The following CACTIN variants were observed in gnomAD, a reference collection of about 807,000 sequenced individuals.
The protein encoded by CACTIN is cactin, spliceosome C complex subunit, also known as splicing factor Cactin.
CACTIN carries 20 observed loss-of-function variants against 84.9 expected under a neutral mutation model. That is an observed-to-expected ratio of 0.24 (90% CI 0.17 to 0.34). CACTIN has a LOEUF of 0.34. CACTIN is among the 10% of genes least tolerant of loss of function. The pLI is 1.00. For synonymous variants in CACTIN, 549 were observed against 467.9 expected (o/e 1.17, Z -2.24); for missense variants, 897 against 1,117.2 (o/e 0.80, Z 2.81).
chr19:3,620,294 G>A lies in CACTIN; in HGVS notation c.739-22C>T, dbSNP rs189414959. 425 of 1,549,104 alleles carry A rather than the reference G, an allele frequency of 2.7e-4. 2 individuals carry two copies. Among genetic ancestry groups the A allele is most frequent in the Non-Finnish European group, 3.4e-4 (394 of 1,153,280 alleles). Reference sequence around the variant, plus strand: ...TCACCTGCAGGCACAGGAGGCTGAGGGCAGCGGGGACCGTGCGGTCTGCAG... The same window carrying A: ...TCACCTGCAGGCACAGGAGGCTGAGAGCAGCGGGGACCGTGCGGTCTGCAG... On this transcript the variant is annotated intron_variant, in intron 3 of 9. Transcript: ENST00000429344.
chr19:3,626,530 A>C, intron 1 of CACTIN, 66 bp downstream of exon 1: 1 of 1,292,344 alleles, frequency 7.7e-7, no homozygotes, highest in Middle Eastern at 2.2e-4. Context: ...CGGGATCTCC[A>C]ACCCTCGGTC....
Position 3,620,812 on chromosome 19 carries a change from C to A in CACTIN, c.643-10G>T. 6.2e-7 allele frequency: 1 copy of A among 1,609,204 alleles called. No homozygotes were observed. On this transcript the variant is annotated splice_polypyrimidine_tract_variant and intron_variant, in intron 2 of 9. Transcript: ENST00000429344. The stretch of plus-strand genomic sequence containing the variant: ...CCTTCTTCTCCAGGGCCTGGAAGCA[C>A]CAGGCACACCTGCCCTGAGCACAGA...
chr19:3,620,445 C>A, intron 3 of CACTIN, 173 bp from the exon 4 acceptor site: 1 of 815,966 alleles, frequency 1.2e-6, no homozygotes. Context: ...GCCCTCCTGC[C>A]CGAGACTCAG....
At chr19:3,614,351 T>G (rs1373502818) in intron 7 of CACTIN, 46 bp downstream of exon 7, 4 of 1,539,254 alleles carry the variant, frequency 2.6e-6, no homozygotes, top group Non-Finnish European at 3.5e-6. Flanking sequence ...GCGAAACCCA[T>G]CCCACCCGGA....
Position 3,626,580 on chromosome 19 carries a change from C to A in CACTIN, c.167+16G>T, listed in dbSNP as rs1199432184. 3 of 1,429,156 alleles carry A rather than the reference C, an allele frequency of 2.1e-6. No homozygotes were observed. The highest frequency in any genetic ancestry group is 2.6e-5 in the Admixed American group (1 of 38,330). 88.5% of individuals were successfully genotyped at this position (1,429,156 alleles called of 1,614,324 possible). On this transcript the variant is annotated intron_variant, in intron 1 of 9. Coordinates refer to ENST00000429344, the MANE Select transcript of CACTIN (RefSeq NM_001080543.2). Reference sequence around the variant, plus strand: ...TAGGAGCCGGATCCCCAGCGCTGCTCCCGCAGCGACCCCACCTGCGCTCCC... The same window carrying A: ...TAGGAGCCGGATCCCCAGCGCTGCTACCGCAGCGACCCCACCTGCGCTCCC...
At chr19:3,613,611 C>A (rs370432546) in intron 7 of CACTIN, 25 bp from the exon 8 acceptor site, 4 of 1,587,120 alleles carry the variant, frequency 2.5e-6, no homozygotes, top group Non-Finnish European at 3.4e-6. Flanking sequence ...CGGGGTCACC[C>A]GCATGGAGGC....
rs1220011093 is a variant in CACTIN at position 3,619,249 on chromosome 19, G to A, written c.885-7C>T. 1.2e-6 allele frequency: 2 copies of A among 1,611,622 alleles called. No homozygotes were observed. Among genetic ancestry groups the A allele is most frequent in the African/African-American group, 1.3e-5 (1 of 74,950 alleles). On this transcript the variant is annotated splice_region_variant and splice_polypyrimidine_tract_variant and intron_variant, in intron 4 of 9. Coordinates refer to ENST00000429344, the MANE Select transcript of CACTIN (RefSeq NM_001080543.2). ...CCGGATGCGGATCTTGGAACTGTGG[G>A]GAGCAGGGGAAGGTGGCATCAGAGC...
Position 3,613,215 on chromosome 19 carries a change from C to T in CACTIN, c.1629G>A (p.Glu543=), listed in dbSNP as rs1599883806. 2 of 1,611,406 alleles carry T rather than the reference C, an allele frequency of 1.2e-6. No individual in the cohort carries two copies. Among genetic ancestry groups the T allele is most frequent in the Admixed American group, 3.3e-5 (2 of 59,966 alleles). The part of the protein sequence containing the change: ...GEGEGEAVLM[E]EDLIQQSLDD... ...CCAGGCTCTGCTGGATCAGGTCCTC[C>T]TCCATGAGCACCGCCTCGCCCTCGC... The change falls in exon 9 of 10, where the codon GAG becomes GAA. Residue 543 remains glutamate, a synonymous_variant. Transcript: ENST00000429344.
At chr19:3,618,826 C>T in intron 6 of CACTIN, 49 bp downstream of exon 6, 1 of 1,410,860 alleles carries the variant, frequency 7.1e-7, no homozygotes, top group Non-Finnish European at 9.7e-7. Context: ...TGGGTGAACA[C>T]TGTAGCCCCC....
At chr19:3,620,619 C>T in intron 3 of CACTIN, 88 bp downstream of exon 3, 1 of 1,059,424 alleles carries the variant, frequency 9.4e-7, no homozygotes, top group Non-Finnish European at 1.4e-6. Flanking sequence ...GGACTTCCCA[C>T]TTAAGCCCCT....
Position 3,612,145 on chromosome 19 carries a change from G to A in CACTIN, c.2055C>T (p.Leu685=). The A allele has an allele frequency of 6.2e-7, 1 of 1,613,782 alleles. No homozygotes were observed. ...ACTCGGGCGTGGAGCGCTTGTCGAT[G>A]AGGTCGGGGTAGAAGATGTTGAACT... The part of the protein sequence containing the change: ...GYKFNIFYPD[L]IDKRSTPEYF... Residue 685 remains leucine, a synonymous_variant, in exon 10 of 10, where the codon CTC becomes CTT. Coordinates refer to ENST00000429344, the MANE Select transcript of CACTIN (RefSeq NM_001080543.2).
intron 3 of CACTIN, 42 bp downstream of exon 3, chr19:3,620,665 G>A: frequency 6.6e-7 from 1 of 1,523,788 alleles, no homozygotes; most frequent in Non-Finnish European, 8.9e-7. Context: ...TCCAGGCCCT[G>A]GAAAGGGAGG....
Position 3,618,863 on chromosome 19 carries a change from G to A in CACTIN, c.1162+12C>T. On this transcript the variant is annotated intron_variant, in intron 6 of 9. Transcript: ENST00000429344. The stretch of plus-strand genomic sequence containing the variant: ...CAGCTCCCCTGGAGCCCAGGCCCAT[G>A]CCCGCCGTTACCTGGCCCCTTGCCC... 6.5e-7 allele frequency: 1 copy of A among 1,541,976 alleles called. No individual in the cohort carries two copies. Among genetic ancestry groups the A allele is most frequent in the Non-Finnish European group, 8.8e-7 (1 of 1,140,468 alleles).
chr19:3,620,498 G>T, intron 3 of CACTIN: 1 of 674,642 alleles, frequency 1.5e-6, no homozygotes, highest in Non-Finnish European at 2.6e-6. Flanking sequence ...CCTGAAGGGA[G>T]CATGTGGGAG....
chr19:3,625,427 G>A (rs2033313640), intron 1 of CACTIN, among the ~76,000 whole-genome samples: 1 of 152,154 alleles, frequency 6.6e-6, no homozygotes, highest in Admixed American at 6.5e-5. Flanking sequence ...AAAACACAAA[G>A]ATGACATTAA....
At chr19:3,618,177 CGG>C (rs34337349) in intron 6 of CACTIN, among the ~76,000 whole-genome samples, 72,151 of 108,542 alleles carry the variant, frequency 0.66, 21,157 homozygotes, top group Middle Eastern at 0.74. Flanking sequence ...GCTTTTAGAC[CGG>C]GGGGGGGGGG....
In CACTIN at chr19:3,619,185, G is replaced by A. The variant is rs764984237; in HGVS notation, c.942C>T (p.Tyr314=). 8 of 1,613,358 alleles carry A rather than the reference G, an allele frequency of 5.0e-6. No homozygotes were observed. The highest frequency in any genetic ancestry group is 2.2e-5 in the South Asian group (2 of 90,958). ...RAKPIDLLAK[Y]ISAEDDDLAV... is the part of the protein sequence containing the mutation. ...CCAGATCGTCATCCTCAGCGCTGAT[G>A]TACTTGGCCAGCAGGTCGATGGGCT... Residue 314 remains tyrosine (Y), a synonymous_variant, in exon 5 of 10, where the codon TAC becomes TAT. Coordinates refer to ENST00000429344, the MANE Select transcript of CACTIN (RefSeq NM_001080543.2).
At chr19:3,614,358 C>T (rs760487278) in intron 7 of CACTIN, 39 bp downstream of exon 7, 18 of 1,546,316 alleles carry the variant, frequency 1.2e-5, no homozygotes, top group Admixed American at 3.9e-5. Context: ...CCATCCCACC[C>T]GGACGGCACC....
At chr19:3,622,455 G>A (rs2033244234) in intron 2 of CACTIN, among the ~76,000 whole-genome samples, 1 of 152,042 alleles carries the variant, frequency 6.6e-6, no homozygotes, top group Non-Finnish European at 1.5e-5. Flanking sequence ...CCAATGCCTG[G>A]TGTCCTCATG....
Sources: gnomAD v4.1 joint callset for allele counts (sites outside exome capture counted in the v4.1 genomes callset) on GRCh38, gnomAD v4.1.1 for gene constraint, MANE v1.5 for transcripts, NCBI Gene and HGNC (gene_info 2026-07-23, HGNC 2026-07-21) for gene names.